The following IRAG2 variants were observed in gnomAD, a reference collection of about 807,000 sequenced individuals.
IRAG2 encodes lymphoid restricted membrane protein.
Under a neutral mutation model 69.9 loss-of-function variants are expected in IRAG2, and 45 were observed. The ratio of observed to expected loss-of-function variants is 0.64; its 90% CI spans 0.51 to 0.83. The LOEUF (loss-of-function observed/expected upper bound fraction) is 0.83. IRAG2 is among the 40% of genes least tolerant of loss of function. The probability of loss-of-function intolerance (pLI) is 0.00; values close to 1 mark genes in which losing one functional copy is unlikely to be tolerated. For synonymous variants in IRAG2, 193 were observed against 202.4 expected, an observed-to-expected ratio of 0.95 and a Z score of 0.40; for missense variants, 520 against 587.0, an observed-to-expected ratio of 0.89 and a Z score of 1.18.
chr12:25,027,328 T>G (rs1944630347), intron 9 of IRAG2, among the ~76,000 whole-genome samples: 1 of 152,156 alleles, frequency 6.6e-6, no homozygotes, highest in South Asian at 2.1e-4. Flanking sequence ...TGTGTGTGGC[T>G]GATTTCACTT....
At chr12:25,088,560 A>C (rs1362697126) in intron 11 of IRAG2, among the ~76,000 whole-genome samples, 1 of 152,246 alleles carries the variant, frequency 6.6e-6, no homozygotes, top group Non-Finnish European at 1.5e-5. Context: ...CTTTGGAGTC[A>C]TAGAGACTCT....
intron 16 of IRAG2, among the ~76,000 whole-genome samples, chr12:25,045,489 A>G (rs1433772133): frequency 1.3e-5 from 2 of 152,042 alleles, no homozygotes; most frequent in African/African-American, 4.8e-5. Flanking sequence ...AAGACAAACA[A>G]ACCTTTAGCT....
At chr12:25,055,227 C>A (rs890923250) in intron 1 of IRAG2, among the ~76,000 whole-genome samples, 1 of 152,192 alleles carries the variant, frequency 6.6e-6, no homozygotes, top group Non-Finnish European at 1.5e-5. Context: ...AAATCCTGAA[C>A]TTTATCTTGA....
At chr12:25,031,164 ACATGCATAGC>A in intron 10 of IRAG2, 6 of 722,174 alleles carry the variant, frequency 8.3e-6, no homozygotes, top group Non-Finnish European at 1.0e-5. Flanking sequence ...TTCAAAAGAA[ACATGCATAGC>A]TGTGGACTTT....
chr12:25,065,377 T>C (rs1945910506), intron 4 of IRAG2, among the ~76,000 whole-genome samples: 1 of 152,212 alleles, frequency 6.6e-6, no homozygotes, highest in African/African-American at 2.4e-5. Context: ...CAAAAATTTC[T>C]GATTGACCCT....
chr12:25,003,299 T>C (rs564196310), upstream of IRAG2, among the ~76,000 whole-genome samples: 1 of 152,348 alleles, frequency 6.6e-6, no homozygotes, highest in East Asian at 1.9e-4. Flanking sequence ...TTGTAACTAT[T>C]GAAACTATTT....
In IRAG2 at chr12:25,106,930, C is replaced by CATTT; in HGVS notation, c.1149-7_1149-4dup. The CATTT allele has an allele frequency of 7.5e-7, 1 of 1,338,798 alleles. No individual in the cohort carries two copies. Among genetic ancestry groups the CATTT allele is most frequent in the Non-Finnish European group, 1.0e-6 (1 of 957,864 alleles). The allele number at this position is 1,338,798 out of a possible 1,614,324, so 82.9% of individuals were successfully genotyped here. A position where few individuals can be genotyped will look rare whatever the true frequency, so the allele number is the denominator to read the frequency against. ...CCTTAGTTTCAAATATTAAAAACAA[C>CATTT]ATTTATTTACAGAACTAAAGATGAC... On this transcript the variant is annotated splice_polypyrimidine_tract_variant and intron_variant, in intron 20 of 21. Transcript: ENST00000556887.
intron 5 of IRAG2, among the ~76,000 whole-genome samples, chr12:25,067,072 G>A (rs1946031104): frequency 6.6e-6 from 1 of 152,142 alleles, no homozygotes; most frequent in Non-Finnish European, 1.5e-5. Flanking sequence ...TACCTAAAAT[G>A]TTTCCACTTT....
exon 6 of IRAG2, chr12:25,017,253 T>C: frequency 1.6e-6 from 2 of 1,232,146 alleles, no homozygotes; most frequent in Non-Finnish European, 2.0e-6. Context: ...AACAGCCAGT[T>C]ATCAGAGGAC....
intron 3 of IRAG2, among the ~76,000 whole-genome samples, chr12:25,013,870 T>TTC (rs1944498309): frequency 9.6e-6 from 1 of 103,904 alleles, no homozygotes; most frequent in Non-Finnish European, 1.9e-5. Flanking sequence ...CTTTTTCTTT[T>TTC]TTTTTTTTTT....
intron 17 of IRAG2, 38 bp downstream of exon 17, chr12:25,102,279 C>G (rs765779540): frequency 6.6e-7 from 1 of 1,522,262 alleles, no homozygotes; most frequent in East Asian, 2.3e-5. Context: ...CTAGCAAATA[C>G]TATAAGACGG....
chr12:25,067,309 G>A (rs954420520), intron 5 of IRAG2, among the ~76,000 whole-genome samples: 2 of 152,124 alleles, frequency 1.3e-5, no homozygotes, highest in African/African-American at 4.8e-5. Context: ...TCTGATACCA[G>A]ATGTGTGGGG....
Position 25,097,169 on chromosome 12 carries a change from CGTTTAATACATATGT to C in IRAG2, c.741+136_741+150del, listed in dbSNP as rs1174224134. On this transcript the variant is annotated intron_variant, in intron 15 of 21. Coordinates refer to ENST00000556887, the MANE Select transcript of IRAG2 (RefSeq NM_001366544.2). ...ATACTTTTGTTGTATAAGACATATGCGTTTAATACATATGTGTTTAATACAGAAAAAATGGAATAT... is the reference window on the plus strand; with the variant it reads ...ATACTTTTGTTGTATAAGACATATGCGTTTAATACAGAAAAAATGGAATAT... 24 of 802,532 alleles carry C rather than the reference CGTTTAATACATATGT, an allele frequency of 3.0e-5. No homozygotes were observed. In the African/African-American group the frequency reaches 4.3e-4, roughly 14 times the overall value. The allele number at this position is 802,532 out of a possible 1,614,324, so 49.7% of individuals were successfully genotyped here. A position where few individuals can be genotyped will look rare whatever the true frequency, so the allele number is the denominator to read the frequency against.
rs771329214 is a variant in IRAG2 at position 25,079,470 on chromosome 12, G to A, written c.136+8G>A. The A allele has an allele frequency of 1.2e-6, 2 of 1,608,062 alleles. No individual in the cohort carries two copies. The highest frequency in any genetic ancestry group is 1.7e-6 in the Non-Finnish European group (2 of 1,174,520). ...GTACTATAACTTCAAGTGGTAAGTG[G>A]ATTTGGAAATAATATTAAAATAGAC... is the stretch of plus-strand genomic sequence containing the variant. On this transcript the variant is annotated splice_region_variant and intron_variant, in intron 8 of 21. Coordinates refer to ENST00000556887, the MANE Select transcript of IRAG2 (RefSeq NM_001366544.2).
chr12:25,073,677 C>A (rs1161101369), intron 6 of IRAG2, among the ~76,000 whole-genome samples: 1 of 152,172 alleles, frequency 6.6e-6, no homozygotes, highest in African/African-American at 2.4e-5. Context: ...CTGTTTGGGA[C>A]ATTCTTGAGG....
intron 6 of IRAG2, among the ~76,000 whole-genome samples, chr12:25,019,138 C>T (rs1051472540): frequency 3.3e-5 from 5 of 152,238 alleles, no homozygotes; most frequent in African/African-American, 9.6e-5. Flanking sequence ...AGGAACAAAC[C>T]CCATACCAGC....
At chr12:25,067,604 C>T (rs537066423) in intron 5 of IRAG2, among the ~76,000 whole-genome samples, 2 of 152,094 alleles carry the variant, frequency 1.3e-5, no homozygotes, top group Admixed American at 6.6e-5. Context: ...TCACAGAACT[C>T]GGGGAAACAC....
upstream of IRAG2, among the ~76,000 whole-genome samples, chr12:25,000,264 G>A (rs761041199): frequency 3.9e-5 from 6 of 152,150 alleles, no homozygotes; most frequent in Non-Finnish European, 7.4e-5. Flanking sequence ...TGGGCAACAT[G>A]GGGAAACCCC....
At chr12:25,042,612 C>T (rs944027390) in intron 16 of IRAG2, among the ~76,000 whole-genome samples, 13 of 151,958 alleles carry the variant, frequency 8.6e-5, no homozygotes, top group African/African-American at 2.4e-4. Context: ...ACTACAGGCA[C>T]GTGCCACCAT....
Sources: allele counts gnomAD v4.1 joint callset (sites outside exome capture counted in the v4.1 genomes callset), GRCh38; gene constraint gnomAD v4.1.1; transcripts MANE v1.5; gene names NCBI Gene and HGNC (gene_info 2026-07-23, HGNC 2026-07-21).